Variants in CLDN16 observed in about 807,000 individuals in gnomAD.
CLDN16 encodes the protein claudin 16.
Under a neutral mutation model 24.6 loss-of-function variants are expected in CLDN16, and 13 were observed. The observed-to-expected ratio is 0.53, with a 90% confidence interval of 0.34 to 0.84. The LOEUF (loss-of-function observed/expected upper bound fraction) is 0.84, where lower values mean the gene tolerates loss of function less well. Among genes scored for constraint, CLDN16 ranks in the 40% least tolerant of loss-of-function variants. The pLI is 0.01. For missense variants in CLDN16, 298 were observed against 292.7 expected (o/e 1.02, Z -0.13); for synonymous variants, 116 against 106.7 (o/e 1.09, Z -0.54).
chr3:190,308,486 AC>A, the CLDN16 span: 1 of 1,576,388 alleles, frequency 6.3e-7, no homozygotes, highest in Non-Finnish European at 8.7e-7. Context: ...ATTATTGGCA[AC>A]TTTTCTAATA....
At chr3:190,314,715 C>T in the CLDN16 span, among the ~76,000 whole-genome samples, 15 of 152,124 alleles carry the variant, frequency 9.9e-5, no homozygotes, top group African/African-American at 3.6e-4. Context: ...TAATCTCTTT[C>T]TAAAAAGTAT....
intron 1 of CLDN16, among the ~76,000 whole-genome samples, chr3:190,394,185 T>G (rs1313249506): frequency 6.6e-6 from 1 of 152,252 alleles, no homozygotes; most frequent in East Asian, 1.9e-4. Context: ...AATAGCATTG[T>G]TAATATGTTA....
At chr3:190,305,976 C>T in the CLDN16 span, 2 of 152,224 alleles carry the variant, frequency 1.3e-5, no homozygotes, top group Non-Finnish European at 2.9e-5. Context: ...TAAATTTTAA[C>T]TTCCAAAAGC....
chr3:190,303,226 A>C, the CLDN16 span, among the ~76,000 whole-genome samples: 1 of 152,226 alleles, frequency 6.6e-6, no homozygotes, highest in Admixed American at 6.5e-5. Flanking sequence ...ATTCTCTGCT[A>C]TTCCTCACCC....
In CLDN16 at chr3:190,409,993, G is replaced by C; in HGVS notation, c.665G>C (p.Arg222Pro). The C allele has an allele frequency of 6.2e-7, 1 of 1,614,004 alleles. No homozygotes were observed. Among genetic ancestry groups the C allele is most frequent in the Non-Finnish European group, 8.5e-7 (1 of 1,179,990 alleles). ...VSMAKSYSAP[R>P]TETAKMYAVD... ...ATGGCCAAGTCATACTCAGCCCCTC[G>C]CACAGAGACGGCCAAAATGTATGCT... Residue 222 changes from arginine (R) to proline (P), a missense_variant, in exon 5 of 5, where the codon CGC becomes CCC. By Grantham distance (103) the Arg-to-Pro change is moderately radical. Coordinates refer to ENST00000264734, the MANE Select transcript of CLDN16 (RefSeq NM_006580.4).
In CLDN16 at chr3:190,380,787, A is replaced by G. The variant is rs1718354588; in HGVS notation, n.306+6184A>G. 2.6e-5 allele frequency among the ~76,000 whole-genome samples: 4 copies of G among 152,056 alleles called. No homozygotes were observed. The South Asian group carries it at 8.3e-4, about 31-fold the overall frequency. On this transcript the variant is annotated intron_variant and non_coding_transcript_variant, in intron 3 of 4. Coordinates refer to the CLDN16 transcript ENST00000468220. ...AGTAAAACTCCATCTAAAAAAATAAATAAATAAAAATAAATAAATTAGTAA... is the reference window on the plus strand; with the variant it reads ...AGTAAAACTCCATCTAAAAAAATAAGTAAATAAAAATAAATAAATTAGTAA...
At chr3:190,305,470 A>G in the CLDN16 span, among the ~76,000 whole-genome samples, 1 of 152,180 alleles carries the variant, frequency 6.6e-6, no homozygotes, top group African/African-American at 2.4e-5. Flanking sequence ...TTTATAGATG[A>G]GAAAAAGTAT....
chr3:190,359,429 A>G (rs2108640476), intron 1 of CLDN16, among the ~76,000 whole-genome samples: 1 of 152,162 alleles, frequency 6.6e-6, no homozygotes, highest in Admixed American at 6.5e-5. Flanking sequence ...GAATTAAATG[A>G]GTGGAATCCA....
chr3:190,337,741 C>T (rs1322632704), intron 1 of CLDN16, among the ~76,000 whole-genome samples: 2 of 152,178 alleles, frequency 1.3e-5, no homozygotes, highest in Non-Finnish European at 2.9e-5. Flanking sequence ...ATGTGTTTGC[C>T]TTTTCTACCA....
chr3:190,323,014 A>ACACACACACG (rs1362727252), intron 1 of CLDN16, among the ~76,000 whole-genome samples: 5 of 149,178 alleles, frequency 3.4e-5, no homozygotes, highest in Admixed American at 2.0e-4. Context: ...ACACACACAC[A>ACACACACACG]CACACACACA....
intron 3 of CLDN16, 68 bp from the exon 4 acceptor site, chr3:190,408,246 G>A: frequency 2.1e-6 from 3 of 1,434,420 alleles, no homozygotes; most frequent in Non-Finnish European, 3.0e-6. Context: ...TGTGTAGTAA[G>A]CAGGTATTTT....
chr3:190,373,862 C>T (rs1336412927), intron 2 of CLDN16, among the ~76,000 whole-genome samples: 1 of 150,280 alleles, frequency 6.7e-6, no homozygotes, highest in African/African-American at 2.4e-5. Flanking sequence ...AAAAAGAAAA[C>T]AGATCAGTAT....
intron 2 of CLDN16, 40 bp from the exon 3 acceptor site, chr3:190,404,722 T>C (rs1329545443): frequency 6.2e-7 from 1 of 1,608,252 alleles, no homozygotes. Flanking sequence ...TATGGTTCCT[T>C]CTTCTGACTC....
chr3:190,334,420 G>A (rs1464254370), intron 1 of CLDN16, among the ~76,000 whole-genome samples: 1 of 152,222 alleles, frequency 6.6e-6, no homozygotes, highest in Admixed American at 6.5e-5. Context: ...GGCCCACTAT[G>A]CTAAAGACTT....
chr3:190,313,270 G>T, the CLDN16 span: 2 of 521,238 alleles, frequency 3.8e-6, no homozygotes, highest in East Asian at 3.3e-5. Flanking sequence ...AATATTTTAT[G>T]TTTCCAACAT....
intron 1 of CLDN16, among the ~76,000 whole-genome samples, chr3:190,323,991 A>G (rs16865352): frequency 0.11 from 16,636 of 151,934 alleles, 1,084 homozygotes; most frequent in South Asian, 0.28. Context: ...TCTAGGTCTC[A>G]GTGGATGTTC....
the CLDN16 span, among the ~76,000 whole-genome samples, chr3:190,309,674 A>C: frequency 6.6e-6 from 1 of 152,216 alleles, no homozygotes; most frequent in Non-Finnish European, 1.5e-5. Context: ...AAAAATTTCA[A>C]GGTGGTATCT....
chr3:190,397,137 T>A (rs1415984341), intron 1 of CLDN16, among the ~76,000 whole-genome samples: 10 of 152,190 alleles, frequency 6.6e-5, no homozygotes, highest in Admixed American at 6.5e-4. Context: ...TACACATTTT[T>A]GGCAACTAAT....
At chr3:190,358,898 A>G (rs1717831714) in intron 1 of CLDN16, among the ~76,000 whole-genome samples, 1 of 152,016 alleles carries the variant, frequency 6.6e-6, no homozygotes, top group Admixed American at 6.6e-5. Context: ...ATTTTCCTAA[A>G]TAAGAGGCCT....
Sources: gnomAD v4.1 joint callset for allele counts (sites outside exome capture counted in the v4.1 genomes callset) on GRCh38, gnomAD v4.1.1 for gene constraint, MANE v1.5 for transcripts, NCBI Gene and HGNC (gene_info 2026-07-23, HGNC 2026-07-21) for gene names.